PDZD2: variants seen among roughly 807,000 people sequenced by gnomAD.
PDZD2 encodes the protein PDZ domain containing 2.
In PDZD2, 90 loss-of-function variants were observed where a neutral mutation model predicts 220.7. That is an observed-to-expected ratio of 0.41 (90% confidence interval 0.34 to 0.49). The LOEUF (loss-of-function observed/expected upper bound fraction) is 0.49, where lower values mean the gene tolerates loss of function less well. Ranked by LOEUF, PDZD2 falls within the 20% of genes least tolerant of loss-of-function variation. The pLI, the probability that PDZD2 is intolerant of heterozygous loss-of-function variation, is 0.28. For missense variants in PDZD2, 3,174 were observed against 3,608.5 expected, an observed-to-expected ratio of 0.88 and a Z score of 3.08; for synonymous variants, 1,375 against 1,450.5, an observed-to-expected ratio of 0.95 and a Z score of 1.18.
chr5:32,109,503 A>C lies in PDZD2; in HGVS notation c.*1368A>C, dbSNP rs1314410341. On this transcript the variant is annotated 3_prime_UTR_variant, in exon 25 of 25. Transcript: ENST00000438447. ...TCACATAGCTGGCTTTTCTCTCCTC[A>C]TGATGTACCTTATTTTCTTAGGTAA... 1 of 152,128 alleles carries C rather than the reference A, an allele frequency of 6.6e-6. No individual in the cohort carries two copies. Among genetic ancestry groups the C allele is most frequent in the East Asian group, 1.9e-4 (1 of 5,200 alleles). The allele number at this position is 152,128 out of a possible 1,614,324, so 9.4% of individuals were successfully genotyped here.
intron 2 of PDZD2, among the ~76,000 whole-genome samples, chr5:31,920,427 T>C (rs1000536599): frequency 2.6e-5 from 4 of 150,958 alleles, no homozygotes; most frequent in African/African-American, 9.7e-5. Context: ...TTTGTTAAAA[T>C]TGATGAACCT....
intron 2 of PDZD2, among the ~76,000 whole-genome samples, chr5:31,901,556 G>A (rs1742101372): frequency 1.3e-5 from 2 of 152,020 alleles, no homozygotes; most frequent in African/African-American, 4.8e-5. Flanking sequence ...ACACTGCTGG[G>A]GAGTCCACAC....
intron 6 of PDZD2, among the ~76,000 whole-genome samples, chr5:32,017,790 G>A (rs923330379): frequency 6.6e-6 from 1 of 152,168 alleles, no homozygotes; most frequent in Admixed American, 6.6e-5. Flanking sequence ...ACATCCCAGG[G>A]GGAGTTGGTG....
At chr5:31,762,061 C>A (rs1286066677) in intron 1 of PDZD2, among the ~76,000 whole-genome samples, 5 of 152,126 alleles carry the variant, frequency 3.3e-5, no homozygotes, top group African/African-American at 1.2e-4. Flanking sequence ...CTGGTGAGAA[C>A]TCACTCTGCA....
chr5:32,075,714 T>C (rs1196272324), intron 18 of PDZD2, among the ~76,000 whole-genome samples: 2 of 151,376 alleles, frequency 1.3e-5, no homozygotes, highest in Non-Finnish European at 3.0e-5. Flanking sequence ...CATAAATAAC[T>C]TCTCTCTCTC....
chr5:31,950,871 A>G (rs981588889), intron 2 of PDZD2, among the ~76,000 whole-genome samples: 1 of 152,130 alleles, frequency 6.6e-6, no homozygotes, highest in Non-Finnish European at 1.5e-5. Flanking sequence ...TTGGATGTCT[A>G]TTAAAAAATA....
chr5:31,917,533 TA>T (rs1263891730), intron 2 of PDZD2, among the ~76,000 whole-genome samples: 1 of 152,032 alleles, frequency 6.6e-6, no homozygotes, highest in Non-Finnish European at 1.5e-5. Context: ...TTCTCAAAAA[TA>T]AACATTAAAT....
chr5:32,052,906 G>GCTTAAA, intron 9 of PDZD2, among the ~76,000 whole-genome samples, 176 bp downstream of exon 9: 1 of 152,140 alleles, frequency 6.6e-6, no homozygotes, highest in Non-Finnish European at 1.5e-5. Context: ...AAACTCCTGG[G>GCTTAAA]CTCAAGCAGT....
At chr5:31,899,960 A>C (rs551645832) in intron 2 of PDZD2, among the ~76,000 whole-genome samples, 1 of 152,358 alleles carries the variant, frequency 6.6e-6, no homozygotes, top group Admixed American at 6.5e-5. Context: ...CCTAGTTTAT[A>C]GTGTTACGGC....
At chr5:32,027,733 C>G (rs1754785453) in intron 6 of PDZD2, among the ~76,000 whole-genome samples, 1 of 152,210 alleles carries the variant, frequency 6.6e-6, no homozygotes, top group Non-Finnish European at 1.5e-5. Flanking sequence ...AATTTCTACA[C>G]GTAACTTGCA....
intron 1 of PDZD2, among the ~76,000 whole-genome samples, chr5:31,743,817 C>G (rs577175619): frequency 6.6e-6 from 1 of 152,004 alleles, no homozygotes; most frequent in African/African-American, 2.4e-5. Flanking sequence ...ACATGCCCCA[C>G]GGAAGAAACT....
At chr5:31,980,201 C>T (rs984732957) in intron 2 of PDZD2, among the ~76,000 whole-genome samples, 1 of 152,128 alleles carries the variant, frequency 6.6e-6, no homozygotes, top group African/African-American at 2.4e-5. Flanking sequence ...CAGTGAGTCC[C>T]AATTCCCCTC....
chr5:31,935,779 AT>A (rs1745668658), intron 2 of PDZD2, among the ~76,000 whole-genome samples: 1 of 152,162 alleles, frequency 6.6e-6, no homozygotes, highest in South Asian at 2.1e-4. Flanking sequence ...TTTTGATAGT[AT>A]TTTGGTTTTC....
intron 6 of PDZD2, among the ~76,000 whole-genome samples, chr5:32,019,810 T>G (rs2112130539): frequency 6.6e-6 from 1 of 152,318 alleles, no homozygotes; most frequent in South Asian, 2.1e-4. Flanking sequence ...GCCCTGAAGT[T>G]AATTTCTTTT....
intron 5 of PDZD2, among the ~76,000 whole-genome samples, chr5:32,002,894 A>AACACACACC (rs1554022547): frequency 4.3e-5 from 4 of 93,664 alleles, no homozygotes; most frequent in East Asian, 3.7e-4. Context: ...CACACACACC[A>AACACACACC]ACACACACCC....
intron 2 of PDZD2, among the ~76,000 whole-genome samples, chr5:31,900,568 T>A (rs1257552136): frequency 1.3e-5 from 2 of 152,178 alleles, no homozygotes; most frequent in African/African-American, 2.4e-5. Context: ...CACACTCTGC[T>A]TGGGTCCTGT....
At chr5:32,024,703 A>AGAAAG (rs558332850) in intron 6 of PDZD2, among the ~76,000 whole-genome samples, 70,601 of 138,638 alleles carry the variant, frequency 0.51, 19,288 homozygotes, top group South Asian at 0.61. Flanking sequence ...AGAAAGAAAA[A>AGAAAG]AAAGAAAAGG....
intron 1 of PDZD2, among the ~76,000 whole-genome samples, chr5:31,753,944 T>C (rs1397756207): frequency 1.3e-5 from 2 of 152,196 alleles, no homozygotes; most frequent in Non-Finnish European, 2.9e-5. Context: ...TAGCATCCCA[T>C]TGTTCTGCTT....
intron 2 of PDZD2, among the ~76,000 whole-genome samples, chr5:31,870,397 T>C (rs991643588): frequency 6.6e-5 from 10 of 152,184 alleles, no homozygotes; most frequent in African/African-American, 2.2e-4. Context: ...TGAAGTATTA[T>C]TTAGAGAACA....
Sources: gnomAD v4.1 joint callset for allele counts (sites outside exome capture counted in the v4.1 genomes callset) on GRCh38, gnomAD v4.1.1 for gene constraint, MANE v1.5 for transcripts, NCBI Gene and HGNC (gene_info 2026-07-23, HGNC 2026-07-21) for gene names.